Variants in RP1L1 observed in about 807,000 individuals in gnomAD.
The protein encoded by RP1L1 is RP1 like 1, also known as retinitis pigmentosa 1-like 1 protein.
RP1L1 carries 27 observed loss-of-function variants against 15.7 expected under a neutral mutation model. The observed-to-expected ratio is 1.72, with a 90% CI of 1.27 to 2.38. The LOEUF (loss-of-function observed/expected upper bound fraction) is 2.38, where lower values mean the gene tolerates loss of function less well. Ranked by LOEUF, RP1L1 falls within the 30% of genes most tolerant of loss-of-function variation. The pLI is 0.00. For missense variants in RP1L1, 4,798 were observed against 3,075.9 expected (o/e 1.56, Z -13.24); for synonymous variants, 1,813 against 1,276.7 (o/e 1.42, Z -8.96).
In RP1L1 at chr8:10,606,997, A is replaced by C; in HGVS notation, c.7101T>G (p.Ser2367Arg). Residue 2367 changes from serine (S) to arginine (R), a missense_variant, in exon 4 of 4, where the codon AGT becomes AGG. Transcript: ENST00000382483. Reference protein sequence around the residue: ...LGSRTPEQGASEGYDLQEDQA... With the variant: ...LGSRTPEQGAREGYDLQEDQA... Reference sequence around the variant, plus strand: ...GGTCCTCTTGTAGGTCATAACCTTCACTGGCCCCCTGCTCTGGAGTCCTTG... The same window carrying C: ...GGTCCTCTTGTAGGTCATAACCTTCCCTGGCCCCCTGCTCTGGAGTCCTTG... The C allele has an allele frequency of 6.2e-7, 1 of 1,614,164 alleles. No homozygotes were observed.
chr8:10,647,090 G>C (rs1023325815), intron 1 of RP1L1, among the ~76,000 whole-genome samples: 3 of 152,222 alleles, frequency 2.0e-5, no homozygotes, highest in African/African-American at 4.8e-5. Context: ...GCAGGAAAGA[G>C]CTGTCCCGCC....
chr8:10,610,956 G>C lies in RP1L1; in HGVS notation c.3142C>G (p.Pro1048Ala). 1 of 1,612,086 alleles carries C rather than the reference G, an allele frequency of 6.2e-7. No individual in the cohort carries two copies. Among genetic ancestry groups the C allele is most frequent in the Non-Finnish European group, 8.5e-7 (1 of 1,179,734 alleles). The change falls in exon 4 of 4, where the codon CCA (proline) becomes GCA (alanine). Residue 1048 changes from proline (P) to alanine (A), a missense_variant. Transcript: ENST00000382483. ...SGEGVPQGAAPEGVSEAPAEA... is the reference protein window; with the variant it reads ...SGEGVPQGAAAEGVSEAPAEA... Reference sequence around the variant, plus strand: ...GCAGGGGCCTCGGAAACTCCCTCTGGAGCTGCCCCTTGGGGGACACCCTCT... The same window carrying C: ...GCAGGGGCCTCGGAAACTCCCTCTGCAGCTGCCCCTTGGGGGACACCCTCT...
intron 1 of RP1L1, among the ~76,000 whole-genome samples, chr8:10,644,511 A>C (rs1208252281): frequency 6.6e-6 from 1 of 152,210 alleles, no homozygotes; most frequent in Admixed American, 6.5e-5. Context: ...GTGATGGCTG[A>C]GAATTGATGC....
rs1183761722 is a variant in RP1L1 at position 10,608,209 on chromosome 8, G to A, written c.5889C>T (p.Ser1963=). 6.3e-7 allele frequency: 1 copy of A among 1,576,046 alleles called. No individual in the cohort carries two copies. The highest frequency in any genetic ancestry group is 8.6e-7 in the Non-Finnish European group (1 of 1,162,684). The change falls in exon 4 of 4, where the codon TCC becomes TCT. Residue 1963 remains serine (S), a synonymous_variant. Coordinates refer to ENST00000382483, the MANE Select transcript of RP1L1 (RefSeq NM_178857.6). ...GCTGGGCTTCCTCTTCTGCCTCCTG[G>A]GACTCTATAACTTCTGACTCTGGCT... ...QTQPESEVIE[S]QEAEEEAQPE... is the part of the protein sequence containing the mutation.
At chr8:10,645,951 A>C (rs1194864966) in intron 1 of RP1L1, among the ~76,000 whole-genome samples, 1 of 152,122 alleles carries the variant, frequency 6.6e-6, no homozygotes, top group Non-Finnish European at 1.5e-5. Context: ...AGAAAGCCTC[A>C]TCCCTTCAAC....
chr8:10,611,707 C>G lies in RP1L1; in HGVS notation c.2391G>C (p.Arg797Ser). 1 of 1,613,570 alleles carries G rather than the reference C, an allele frequency of 6.2e-7. No homozygotes were observed. Among genetic ancestry groups the G allele is most frequent in the South Asian group, 1.1e-5 (1 of 91,078 alleles). The change falls in exon 4 of 4, where the codon AGG becomes AGC. Residue 797 changes from arginine (R) to serine (S), a missense_variant. Coordinates refer to ENST00000382483, the MANE Select transcript of RP1L1 (RefSeq NM_178857.6). ...AGGGTGAGGAGGGCTGAGGCGTGTC[C>G]CTGGCCTCTTCCCCCAGGCTGGCAG... Reference protein sequence around the residue: ...SGAASLGEEARDTPQPSSPLV... With the variant: ...SGAASLGEEASDTPQPSSPLV...
intron 1 of RP1L1, among the ~76,000 whole-genome samples, chr8:10,635,589 G>A (rs891880513): frequency 2.0e-5 from 3 of 151,918 alleles, no homozygotes; most frequent in African/African-American, 7.3e-5. Context: ...CCAGGGGACC[G>A]TGGAATTGAG....
chr8:10,632,163 G>GC (rs1798262858), intron 1 of RP1L1, among the ~76,000 whole-genome samples: 1 of 152,114 alleles, frequency 6.6e-6, no homozygotes, highest in Non-Finnish European at 1.5e-5. Context: ...TTGCACTCCT[G>GC]CCCTGCTTCC....
chr8:10,629,901 A>G (rs548113571), intron 1 of RP1L1, among the ~76,000 whole-genome samples: 1 of 152,240 alleles, frequency 6.6e-6, no homozygotes, highest in Non-Finnish European at 1.5e-5. Context: ...TGTGCTCACC[A>G]AGACCACTTA....
intron 1 of RP1L1, among the ~76,000 whole-genome samples, chr8:10,635,973 A>C (rs1585993774): frequency 6.6e-6 from 1 of 152,210 alleles, no homozygotes; most frequent in African/African-American, 2.4e-5. Flanking sequence ...GCCCGAGAGC[A>C]CAGGGAGCTG....
In RP1L1 at chr8:10,610,908, C is replaced by T; in HGVS notation, c.3190G>A (p.Ala1064Thr). 6.2e-7 allele frequency: 1 copy of T among 1,610,912 alleles called. No individual in the cohort carries two copies. The highest frequency in any genetic ancestry group is 1.1e-5 in the South Asian group (1 of 90,914). ...APAEAGADRE[A>T]PAGCRVSLRA... ...AGGCTCACCCTGCAGCCTGCTGGGGCCTCTCTGTCTGCTCCGGCCTCTGCA... is the reference window on the plus strand; with the variant it reads ...AGGCTCACCCTGCAGCCTGCTGGGGTCTCTCTGTCTGCTCCGGCCTCTGCA... Residue 1064 changes from alanine (A) to threonine (T), a missense_variant, in exon 4 of 4, where the codon GCC becomes ACC. Ala to Thr is a moderately conservative substitution (Grantham distance 58, BLOSUM62 0). Transcript: ENST00000382483.
rs761185796 is a variant in RP1L1, at chr8:10,611,910, G to A, written c.2188C>T (p.Gln730Ter). 8 of 1,613,766 alleles carry A rather than the reference G, an allele frequency of 5.0e-6. No homozygotes were observed. In the South Asian group the frequency reaches 8.8e-5, roughly 18 times the overall value. ...RPPSSGSLPS[Q>*]DLLGTSSATV... is the part of the protein sequence containing the mutation. ...GCACTGCTGGTTCCCAGAAGGTCCT[G>A]GGAAGGAAGAGAGCCCGAGGAGGGA... Residue 730 changes from glutamine to a stop codon, truncating the protein, a stop_gained, in exon 4 of 4, where the codon CAG becomes TAG. Transcript: ENST00000382483. LOFTEE classifies it low-confidence loss of function (END_TRUNC).
In RP1L1 at chr8:10,608,713, C is replaced by G; in HGVS notation, c.5385G>C (p.Glu1795Asp). The change falls in exon 4 of 4, where the codon GAG (glutamate) becomes GAC (aspartate). Residue 1795 changes from glutamate (E) to aspartate (D), a missense_variant. Physicochemically the swap from Glu to Asp is conservative, Grantham distance 45. Coordinates refer to ENST00000382483, the MANE Select transcript of RP1L1 (RefSeq NM_178857.6). The part of the protein sequence containing the change: ...SELGEAEQEG[E>D]GISERGETGG... ...CAGTTTCTCCCCTTTCACTTATGCCCTCTCCCTCCTGCTCAGCTTCCCCCA... is the reference window on the plus strand; with the variant it reads ...CAGTTTCTCCCCTTTCACTTATGCCGTCTCCCTCCTGCTCAGCTTCCCCCA... 6.2e-7 allele frequency: 1 copy of G among 1,614,240 alleles called. No individual in the cohort carries two copies. The highest frequency in any genetic ancestry group is 1.3e-5 in the African/African-American group (1 of 75,058).
chr8:10,620,592 G>A (rs1157444484), intron 2 of RP1L1, among the ~76,000 whole-genome samples: 1 of 152,132 alleles, frequency 6.6e-6, no homozygotes, highest in Admixed American at 6.6e-5. Flanking sequence ...GGTGACAAGA[G>A]TGAGACTCTG....
At position 10,609,548 on chromosome 8, in the gene RP1L1, A is replaced by T. The variant is rs1797787156; in HGVS notation, c.4550T>A (p.Ile1517Asn). Residue 1517 changes from isoleucine to asparagine, a missense_variant, in exon 4 of 4, where the codon ATC (isoleucine) becomes AAC (asparagine). Ile to Asn is a moderately radical substitution (Grantham distance 149, BLOSUM62 -3). Transcript: ENST00000382483. Reference protein sequence around the residue: ...ACSAALDCDPIWVSVLLKKTE... With the variant: ...ACSAALDCDPNWVSVLLKKTE... ...CTTCTTCAGTAACACGGACACCCAG[A>T]TGGGGTCGCAGTCCAGAGCCGCGCT... 1 of 1,604,786 alleles carries T rather than the reference A, an allele frequency of 6.2e-7. No homozygotes were observed. The highest frequency in any genetic ancestry group is 1.7e-5 in the Admixed American group (1 of 59,892).
Position 10,611,466 on chromosome 8 carries a change from G to C in RP1L1, c.2632C>G (p.Gln878Glu), listed in dbSNP as rs746361941. ...SSCGSTGSSH[Q>E]STARGPGGSP... ...CCACCTGGCCCCCGGGCAGTGCTTT[G>C]GTGGCTGCTGCCGGTGCTCCCACAG... is the stretch of plus-strand genomic sequence containing the variant. The change falls in exon 4 of 4, where the codon CAA becomes GAA. Residue 878 changes from glutamine to glutamate, a missense_variant. By Grantham distance (29) the Gln-to-Glu change is conservative (BLOSUM62 2). Coordinates refer to ENST00000382483, the MANE Select transcript of RP1L1 (RefSeq NM_178857.6). 55 of 1,570,108 alleles carry C rather than the reference G, an allele frequency of 3.5e-5. No homozygotes were observed. The South Asian group carries it at 5.3e-4, about 15-fold the overall frequency.
intron 1 of RP1L1, among the ~76,000 whole-genome samples, chr8:10,653,459 A>AAAACACACACAC (rs1554460653): frequency 1.3e-5 from 2 of 148,716 alleles, no homozygotes; most frequent in Admixed American, 1.3e-4. Flanking sequence ...GTCTCCCTCC[A>AAAACACACACAC]ACACACACAC....
chr8:10,634,515 T>A (rs1798300872), intron 1 of RP1L1, among the ~76,000 whole-genome samples: 1 of 152,206 alleles, frequency 6.6e-6, no homozygotes, highest in Non-Finnish European at 1.5e-5. Context: ...GGATCAGGTC[T>A]GGTGTTGCTG....
rs1797822841 is a variant in RP1L1 at position 10,610,408 on chromosome 8, C to A, written c.3690G>T (p.Leu1230=). 2 of 1,613,976 alleles carry A rather than the reference C, an allele frequency of 1.2e-6. No individual in the cohort carries two copies. Among genetic ancestry groups the A allele is most frequent in the Non-Finnish European group, 1.7e-6 (2 of 1,180,026 alleles). Residue 1230 remains leucine (L), a synonymous_variant, in exon 4 of 4, where the codon CTG becomes CTT. Transcript: ENST00000382483. ...DGTLVTQGTE[L]PLKTSNQRPD... is the part of the protein sequence containing the mutation. ...GCCTCTGGTTGGAGGTTTTCAGGGG[C>A]AGCTCTGTCCCCTGTGTCACCAGGG...
Sources: gnomAD v4.1 joint callset for allele counts (sites outside exome capture counted in the v4.1 genomes callset) on GRCh38, gnomAD v4.1.1 for gene constraint, MANE v1.5 for transcripts, NCBI Gene and HGNC (gene_info 2026-07-23, HGNC 2026-07-21) for gene names.